Variants in CD4 observed in about 807,000 individuals in gnomAD.
CD4 encodes T-cell surface glycoprotein CD4.
A neutral mutation model predicts 50.5 loss-of-function variants in CD4; 25 were observed. The observed-to-expected ratio is 0.49, with a 90% confidence interval of 0.36 to 0.69. The LOEUF (loss-of-function observed/expected upper bound fraction) is 0.69. CD4 is among the 30% of genes least tolerant of loss of function. CD4 has a pLI of 0.00. For missense variants in CD4, 456 were observed against 548.5 expected (o/e 0.83, Z 1.68); for synonymous variants, 207 against 221.9 (o/e 0.93, Z 0.60).
At chr12:6,793,958 TTCTA>T (rs1942273047) in intron 1 of CD4, among the ~76,000 whole-genome samples, 1 of 37,292 alleles carries the variant, frequency 2.7e-5, no homozygotes, top group African/African-American at 1.4e-4. Flanking sequence ...GACACCCGGC[TTCTA>T]TCTATCTATA....
intron 3 of CD4, among the ~76,000 whole-genome samples, chr12:6,809,177 A>C (rs1244284998): frequency 3.3e-5 from 5 of 151,966 alleles, no homozygotes; most frequent in African/African-American, 9.7e-5. Flanking sequence ...TATCGTCATC[A>C]ATTATGACCT....
chr12:6,812,743 C>T (rs889528993), intron 3 of CD4, among the ~76,000 whole-genome samples: 37 of 151,254 alleles, frequency 2.4e-4, no homozygotes, highest in African/African-American at 8.0e-4. Context: ...TATTCACTTC[C>T]TCTTCCTAGA....
chr12:6,818,676 A>T lies in CD4; in HGVS notation c.1278+134A>T. ...GTAAGTTCCCTTGCTGCCCTGTCCC[A>T]GATCCCACTCAAGGGAGAGACAGGA... On this transcript the variant is annotated intron_variant, in intron 8 of 9. Transcript: ENST00000011653. This position sits in a 1 kb window ranked among gnomAD's most constrained non-coding sequence, Gnocchi z 5.0. 1 of 1,259,864 alleles carries T rather than the reference A, an allele frequency of 7.9e-7. No homozygotes were observed. The allele number at this position is 1,259,864 out of a possible 1,614,324, so 78.0% of individuals were successfully genotyped here.
At chr12:6,814,440 T>C (rs1405586257) in intron 4 of CD4, 140 bp downstream of exon 4, 14 of 871,794 alleles carry the variant, frequency 1.6e-5, no homozygotes, top group Non-Finnish European at 2.3e-5. Context: ...GGCCTCCAAA[T>C]GTCTTAAAAC....
intron 3 of CD4, among the ~76,000 whole-genome samples, chr12:6,801,048 G>A (rs1030035060): frequency 1.1e-4 from 16 of 151,792 alleles, no homozygotes; most frequent in Non-Finnish European, 1.8e-4. Context: ...TGGGACTACA[G>A]GCATGCACCA....
Position 6,818,475 on chromosome 12 carries a change from G to A in CD4, c.1211G>A (p.Gly404Asp), listed in dbSNP as rs1555118469. 1 of 1,612,984 alleles carries A rather than the reference G, an allele frequency of 6.2e-7. No individual in the cohort carries two copies. Among genetic ancestry groups the A allele is most frequent in the Non-Finnish European group, 8.5e-7 (1 of 1,180,018 alleles). ...VQPMALIVLG[G>D]VAGLLLFIGL... ...CCAATGGCCCTGATTGTGCTGGGGG[G>A]CGTCGCCGGCCTCCTGCTTTTCATT... Residue 404 changes from glycine to aspartate, a missense_variant, in exon 8 of 10, where the codon GGC (glycine) becomes GAC (aspartate). Gly to Asp is a moderately conservative substitution (Grantham distance 94). Transcript: ENST00000011653. This position sits in a 1 kb window ranked among gnomAD's most constrained non-coding sequence, Gnocchi z 5.0.
At position 6,818,734 on chromosome 12, in the gene CD4, C is replaced by A; in HGVS notation, c.1279-113C>A. On this transcript the variant is annotated intron_variant, in intron 8 of 9. Transcript: ENST00000011653. This position sits in a 1 kb window ranked among gnomAD's most constrained non-coding sequence, Gnocchi z 5.0. Reference sequence around the variant, plus strand: ...GAGAGTTAATTCCAGGATAGATGGCCTGGGCCATGTAACTGCTTCTCCTGT... The same window carrying A: ...GAGAGTTAATTCCAGGATAGATGGCATGGGCCATGTAACTGCTTCTCCTGT... The A allele has an allele frequency of 8.3e-7, 1 of 1,203,844 alleles. No individual in the cohort carries two copies. The highest frequency in any genetic ancestry group is 1.2e-5 in the South Asian group (1 of 80,008). The allele number at this position is 1,203,844 out of a possible 1,614,324, so 74.6% of individuals were successfully genotyped here.
chr12:6,814,022 G>A (rs1943015281), intron 3 of CD4, 120 bp from the exon 4 acceptor site: 12 of 840,284 alleles, frequency 1.4e-5, no homozygotes, highest in Admixed American at 2.3e-5. Flanking sequence ...TGATTAGAAC[G>A]AGGAGCAGAT....
intron 3 of CD4, among the ~76,000 whole-genome samples, chr12:6,802,203 C>T (rs543713827): frequency 1.4e-4 from 22 of 151,872 alleles, no homozygotes; most frequent in African/African-American, 4.4e-4. Context: ...CTATTATATG[C>T]TCATTACAAA....
chr12:6,793,970 A>ATATCTATGTATCTATC (rs1555114032), intron 1 of CD4, among the ~76,000 whole-genome samples: 1 of 133,850 alleles, frequency 7.5e-6, no homozygotes, highest in Non-Finnish European at 1.6e-5. Flanking sequence ...CTATCTATCT[A>ATATCTATGTATCTATC]TATCTATCTA....
rs577994493 is a variant in CD4 at position 6,798,221 on chromosome 12, G to C, written c.-67-1851G>C. ...GTCTTGCTCTGTCGCCCAGGCTGGA[G>C]TGCAGTGGCGCGATCTCGGCTCACT... On this transcript the variant is annotated intron_variant, in intron 1 of 9. Transcript: ENST00000011653. 3.3e-3 allele frequency among the ~76,000 whole-genome samples: 276 copies of C among 84,188 alleles called. 37 individuals are homozygous for C. The highest frequency in any genetic ancestry group is 0.012 in the African/African-American group (270 of 23,348). 55.2% of individuals were successfully genotyped at this position (84,188 alleles called of 152,430 possible). A position where few individuals can be genotyped will look rare whatever the true frequency, so the allele number is the denominator to read the frequency against.
chr12:6,811,910 A>G (rs1942950007), intron 3 of CD4, among the ~76,000 whole-genome samples: 2 of 152,120 alleles, frequency 1.3e-5, no homozygotes. Flanking sequence ...CCTGGGCTCA[A>G]GTGATCCTCC....
Position 6,792,908 on chromosome 12 carries a change from G to A in CD4, c.-68+3246G>A, listed in dbSNP as rs1591539784. 6.6e-6 allele frequency among the ~76,000 whole-genome samples: 1 copy of A among 152,114 alleles called. No homozygotes were observed. Among genetic ancestry groups the A allele is most frequent in the Non-Finnish European group, 1.5e-5 (1 of 68,014 alleles). On this transcript the variant is annotated intron_variant, in intron 1 of 9. Coordinates refer to ENST00000011653, the MANE Select transcript of CD4 (RefSeq NM_000616.5). The surrounding 1 kb of genome is among the most constrained non-coding windows in gnomAD (Gnocchi z 4.1). ...TGCAGGCTGGGGGCATAAGCTGGGG[G>A]CTGGGAAGCATAGATACAGAAATGC...
intron 3 of CD4, among the ~76,000 whole-genome samples, chr12:6,802,657 C>A (rs1324548608): frequency 6.6e-6 from 1 of 152,076 alleles, no homozygotes; most frequent in Non-Finnish European, 1.5e-5. Context: ...TACATAATTA[C>A]GTAAATGATA....
rs962853325 is a variant in CD4, at chr12:6,815,745, C to T, written c.608-311C>T. 8 of 1,378,284 alleles carry T rather than the reference C, an allele frequency of 5.8e-6. No homozygotes were observed. The Admixed American group carries it at 1.7e-4, about 30-fold the overall frequency. The allele number at this position is 1,378,284 out of a possible 1,614,324, so 85.4% of individuals were successfully genotyped here. ...ATTTTGTGAAGGGTGATGAATACGC[C>T]TCTAAGGAGTGGAGGCCAAATGGCT... On this transcript the variant is annotated intron_variant, in intron 5 of 9. Transcript: ENST00000011653.
chr12:6,815,552 C>A (rs3782736), intron 5 of CD4, among the ~76,000 whole-genome samples: 75,418 of 151,966 alleles, frequency 0.5, 19,340 homozygotes, highest in East Asian at 0.71. Context: ...AACCATGTGA[C>A]CTTGGGTGAG....
chr12:6,807,406 A>C (rs1942797057), intron 3 of CD4, among the ~76,000 whole-genome samples: 1 of 152,214 alleles, frequency 6.6e-6, no homozygotes. Context: ...ATCATAGTAC[A>C]CACCACAACC....
At chr12:6,795,136 C>CTATCTATCTATA (rs1172987207) in intron 1 of CD4, among the ~76,000 whole-genome samples, 11 of 151,850 alleles carry the variant, frequency 7.2e-5, no homozygotes, top group African/African-American at 1.9e-4. Flanking sequence ...ATCTATCTAT[C>CTATCTATCTATA]TAATCTATCT....
rs557059015 is a variant in CD4 at position 6,818,092 on chromosome 12, GCACA to G, written c.1157-327_1157-324del. Among the ~76,000 whole-genome samples, 34 of 61,750 alleles carry G rather than the reference GCACA, an allele frequency of 5.5e-4. No individual in the cohort carries two copies. Among genetic ancestry groups the G allele is most frequent in the Admixed American group, 3.1e-3 (14 of 4,500 alleles). 40.5% of individuals were successfully genotyped at this position (61,750 alleles called of 152,430 possible). A position where few individuals can be genotyped will look rare whatever the true frequency, so the allele number is the denominator to read the frequency against. On this transcript the variant is annotated intron_variant, in intron 7 of 9. Coordinates refer to ENST00000011653, the MANE Select transcript of CD4 (RefSeq NM_000616.5). This position sits in a 1 kb window ranked among gnomAD's most constrained non-coding sequence, Gnocchi z 5.0. ...CACATTCACACATGGACTCACACGC[GCACA>G]CGCGCGCACACACACACATTCACAC...
Sources: allele counts gnomAD v4.1 joint callset (sites outside exome capture counted in the v4.1 genomes callset), GRCh38; gene constraint gnomAD v4.1.1; non-coding constraint Gnocchi (gnomAD v3.1); transcripts MANE v1.5; gene names NCBI Gene and HGNC (gene_info 2026-07-23, HGNC 2026-07-21).